The following IGF1R variants were observed in gnomAD, a reference collection of about 807,000 sequenced individuals.
The protein encoded by IGF1R is insulin-like growth factor 1 receptor.
A neutral mutation model predicts 144.6 loss-of-function variants in IGF1R; 44 were observed. The ratio of observed to expected loss-of-function variants is 0.30; its 90% CI spans 0.24 to 0.39. The LOEUF is 0.39. Among genes scored for constraint, IGF1R ranks in the 10% least tolerant of loss-of-function variants. IGF1R has a pLI of 1.00. For missense variants in IGF1R, 1,355 were observed against 1,833.7 expected (o/e 0.74, Z 4.77); for synonymous variants, 795 against 722.8 (o/e 1.10, Z -1.60).
chr15:98,929,938 C>A (rs1359797558), intron 14 of IGF1R, among the ~76,000 whole-genome samples: 1 of 152,200 alleles, frequency 6.6e-6, no homozygotes, highest in African/African-American at 2.4e-5. Flanking sequence ...GATGCGCTAG[C>A]CTTCCCAATC....
At chr15:98,810,791 G>A (rs1369091521) in intron 2 of IGF1R, among the ~76,000 whole-genome samples, 12 of 150,810 alleles carry the variant, frequency 8.0e-5, no homozygotes, top group East Asian at 2.0e-4. Context: ...CTCGTGATCC[G>A]CCCGCCTCGG....
intron 2 of IGF1R, among the ~76,000 whole-genome samples, chr15:98,751,044 G>T (rs528056249): frequency 6.6e-6 from 1 of 152,158 alleles, no homozygotes; most frequent in South Asian, 2.1e-4. Context: ...ACCCACCTCG[G>T]CCTCCCAAAG....
In IGF1R at chr15:98,963,059, G is replaced by A. The variant is rs1357103319; in HGVS notation, c.*5617G>A. On this transcript the variant is annotated 3_prime_UTR_variant, in exon 21 of 21. Transcript: ENST00000650285. ...TCCAGTAGATTACGGGTAGTCAGTTGACGAAGATCTGGTTTACAAGAACTA... is the reference window on the plus strand; with the variant it reads ...TCCAGTAGATTACGGGTAGTCAGTTAACGAAGATCTGGTTTACAAGAACTA... 1 of 233,566 alleles carries A rather than the reference G, an allele frequency of 4.3e-6. No individual in the cohort carries two copies. The highest frequency in any genetic ancestry group is 2.2e-5 in the African/African-American group (1 of 45,346). The allele number at this position is 233,566 out of a possible 1,614,324, so 14.5% of individuals were successfully genotyped here.
chr15:98,809,930 G>A (rs1055082375), intron 2 of IGF1R, among the ~76,000 whole-genome samples: 8 of 152,178 alleles, frequency 5.3e-5, no homozygotes, highest in African/African-American at 1.9e-4. Flanking sequence ...AGGTGTATAT[G>A]GGATAGCCAC....
intron 1 of IGF1R, among the ~76,000 whole-genome samples, chr15:98,668,671 C>A (rs1244068238): frequency 6.6e-6 from 1 of 152,210 alleles, no homozygotes; most frequent in African/African-American, 2.4e-5. Context: ...GGAAGTTATA[C>A]TCCAGGAGAG....
intron 2 of IGF1R, among the ~76,000 whole-genome samples, chr15:98,858,540 A>G (rs1215540827): frequency 6.6e-6 from 1 of 152,228 alleles, no homozygotes; most frequent in Non-Finnish European, 1.5e-5. Context: ...AATGAATTGC[A>G]TGCTTTGGAA....
chr15:98,921,909 C>G (rs1463220398), intron 10 of IGF1R, among the ~76,000 whole-genome samples: 1 of 152,118 alleles, frequency 6.6e-6, no homozygotes, highest in Non-Finnish European at 1.5e-5. Context: ...AATCGAAGAA[C>G]CACTCTGAGA....
chr15:98,801,595 C>A (rs2056365114), intron 2 of IGF1R, among the ~76,000 whole-genome samples: 1 of 152,228 alleles, frequency 6.6e-6, no homozygotes, highest in South Asian at 2.1e-4. Flanking sequence ...TTGTCTGTGC[C>A]ACCCTCAAAC....
chr15:98,874,043 GT>G (rs2012926595), intron 2 of IGF1R, among the ~76,000 whole-genome samples: 1 of 152,150 alleles, frequency 6.6e-6, no homozygotes, highest in Non-Finnish European at 1.5e-5. Flanking sequence ...TCTGCCGGGG[GT>G]TTAGAAATTT....
chr15:98,860,667 G>T (rs2012099625), intron 2 of IGF1R, among the ~76,000 whole-genome samples: 2 of 152,236 alleles, frequency 1.3e-5, no homozygotes, highest in East Asian at 3.8e-4. Flanking sequence ...GTGGGAGGCA[G>T]TTTGCCCTCT....
chr15:98,844,939 C>T (rs904161281), intron 2 of IGF1R, among the ~76,000 whole-genome samples: 1 of 152,032 alleles, frequency 6.6e-6, no homozygotes, highest in Admixed American at 6.6e-5. Flanking sequence ...ATTAGTAATT[C>T]TACAGCCAGA....
intron 2 of IGF1R, among the ~76,000 whole-genome samples, chr15:98,806,135 C>A (rs2056465366): frequency 6.6e-6 from 1 of 152,178 alleles, no homozygotes; most frequent in East Asian, 1.9e-4. Flanking sequence ...AACGGCCTCA[C>A]TCACCTGGGC....
chr15:98,883,502 A>G (rs1158937886), intron 2 of IGF1R, among the ~76,000 whole-genome samples: 2 of 152,206 alleles, frequency 1.3e-5, no homozygotes, highest in African/African-American at 4.8e-5. Flanking sequence ...CCAAGCTGTA[A>G]TACGGTGGCT....
intron 2 of IGF1R, among the ~76,000 whole-genome samples, chr15:98,717,825 T>C (rs751764479): frequency 2.0e-5 from 3 of 152,176 alleles, no homozygotes; most frequent in Non-Finnish European, 4.4e-5. Context: ...GGCACAGTTA[T>C]TGGTAAAGAT....
intron 2 of IGF1R, among the ~76,000 whole-genome samples, chr15:98,813,266 C>T (rs773365441): frequency 3.9e-5 from 6 of 151,972 alleles, no homozygotes; most frequent in East Asian, 1.9e-4. Flanking sequence ...CCAAAGGCCA[C>T]GCCCCTCACT....
At chr15:98,764,721 C>A (rs7175052) in intron 2 of IGF1R, among the ~76,000 whole-genome samples, 36,387 of 152,074 alleles carry the variant, frequency 0.24, 4,611 homozygotes, top group East Asian at 0.39. Flanking sequence ...CTGAGTGCCC[C>A]TGTGTTTTCA....
At chr15:98,736,443 T>C (rs966359428) in intron 2 of IGF1R, among the ~76,000 whole-genome samples, 77 of 151,958 alleles carry the variant, frequency 5.1e-4, no homozygotes, top group African/African-American at 1.7e-3. Flanking sequence ...TCTCTTTCAG[T>C]TTTATGGGGG....
chr15:98,907,748 G>C (rs1190144211), intron 5 of IGF1R, among the ~76,000 whole-genome samples: 1 of 152,222 alleles, frequency 6.6e-6, no homozygotes, highest in African/African-American at 2.4e-5. Context: ...TAGCCAGATA[G>C]AACGGCTTCC....
At chr15:98,662,241 A>G (rs2052618466) in intron 1 of IGF1R, among the ~76,000 whole-genome samples, 1 of 151,818 alleles carries the variant, frequency 6.6e-6, no homozygotes, top group Non-Finnish European at 1.5e-5. Flanking sequence ...TCGGCCTCCC[A>G]TAGTGCTGGG....
Sources: gnomAD v4.1 joint callset for allele counts (sites outside exome capture counted in the v4.1 genomes callset) on GRCh38, gnomAD v4.1.1 for gene constraint, MANE v1.5 for transcripts, NCBI Gene and HGNC (gene_info 2026-07-23, HGNC 2026-07-21) for gene names.